Variants in OPCML observed in about 807,000 individuals in gnomAD.
OPCML encodes the protein opioid binding protein/cell adhesion molecule like.
In OPCML, 13 loss-of-function variants were observed where a neutral mutation model predicts 37.8. The observed-to-expected ratio is 0.34, with a 90% CI of 0.22 to 0.55. The LOEUF is 0.55. Ranked by LOEUF, OPCML falls within the 20% of genes least tolerant of loss-of-function variation. The probability of loss-of-function intolerance (pLI) is 0.91; values close to 1 mark genes in which losing one functional copy is unlikely to be tolerated. For missense variants in OPCML, 341 were observed against 435.6 expected, an observed-to-expected ratio of 0.78 and a Z score of 1.93; for synonymous variants, 176 against 168.8, an observed-to-expected ratio of 1.04 and a Z score of -0.33.
At position 132,792,608 on chromosome 11, in the gene OPCML, G is replaced by T. The variant is rs1937995964; in HGVS notation, c.147-135289C>A. 2.0e-5 allele frequency among the ~76,000 whole-genome samples: 3 copies of T among 152,126 alleles called. No individual in the cohort carries two copies. In the South Asian group the frequency reaches 6.2e-4, roughly 32 times the overall value. On this transcript the variant is annotated intron_variant, in intron 2 of 7. Transcript: ENST00000524381. ...ATAGGTTCCTTTAAGAAGGCCAAGT[G>T]ACCTCTTTGCTGGCTTGGGAAGTGT...
intron 4 of OPCML, among the ~76,000 whole-genome samples, chr11:132,516,583 T>C (rs903858533): frequency 2.2e-4 from 33 of 152,172 alleles, no homozygotes; most frequent in Admixed American, 1.4e-3. Flanking sequence ...GACAGAGAGA[T>C]GCAAGGGATA....
At chr11:132,572,877 C>G (rs953172298) in intron 3 of OPCML, among the ~76,000 whole-genome samples, 1 of 152,034 alleles carries the variant, frequency 6.6e-6, no homozygotes, top group East Asian at 1.9e-4. Flanking sequence ...TTCCAATCCA[C>G]AAGAATGGGG....
intron 1 of OPCML, among the ~76,000 whole-genome samples, chr11:133,306,085 G>A (rs1367413940): frequency 1.3e-5 from 2 of 152,136 alleles, no homozygotes; most frequent in African/African-American, 2.4e-5. Context: ...GTATTGCAAT[G>A]CATCTGAATT....
At chr11:132,531,755 C>T (rs900220387) in intron 3 of OPCML, among the ~76,000 whole-genome samples, 8 of 88,958 alleles carry the variant, frequency 9.0e-5, no homozygotes, top group African/African-American at 6.1e-4. Context: ...ATGTTCTACC[C>T]GTTTTTTTTT....
chr11:132,894,484 A>G (rs935996619), intron 2 of OPCML, among the ~76,000 whole-genome samples: 13 of 152,236 alleles, frequency 8.5e-5, no homozygotes, highest in Admixed American at 1.3e-4. Context: ...TTAAGAGCCT[A>G]GAGCTCTTCT....
chr11:133,076,499 T>C (rs1042213578), intron 1 of OPCML, among the ~76,000 whole-genome samples: 16 of 152,180 alleles, frequency 1.1e-4, no homozygotes, highest in African/African-American at 3.9e-4. Context: ...GAGGAGATGT[T>C]ATACAAGACT....
intron 1 of OPCML, chr11:133,003,770 G>C (rs972805515): frequency 7.1e-6 from 7 of 985,306 alleles, no homozygotes; most frequent in Middle Eastern, 5.2e-4. Flanking sequence ...ATTCTGAGCA[G>C]TGGATTACCC....
chr11:133,222,819 G>A (rs901674020), intron 1 of OPCML, among the ~76,000 whole-genome samples: 11 of 152,012 alleles, frequency 7.2e-5, no homozygotes, highest in East Asian at 3.9e-4. Flanking sequence ...AAGGGGGGCC[G>A]AGCCGGGGAC....
chr11:133,075,500 C>T (rs752539584), intron 1 of OPCML, among the ~76,000 whole-genome samples: 31 of 152,126 alleles, frequency 2.0e-4, no homozygotes, highest in East Asian at 7.7e-4. Context: ...GGAAGCAGTT[C>T]GACACTGACT....
chr11:132,718,408 CTGTAGGGGGTGCTTTTAACTGTGTGTGT>C (rs1175983525), intron 2 of OPCML, among the ~76,000 whole-genome samples: 8 of 152,076 alleles, frequency 5.3e-5, no homozygotes, highest in Non-Finnish European at 1.2e-4. Flanking sequence ...TCTTAAAACA[CTGTAGGGGGTGCTTTTAACTGTGTGTGT>C]TGCACGGTCA....
chr11:133,033,282 T>C (rs1947707164), intron 1 of OPCML, among the ~76,000 whole-genome samples: 1 of 152,250 alleles, frequency 6.6e-6, no homozygotes, highest in African/African-American at 2.4e-5. Flanking sequence ...CAAAGTACTT[T>C]GGTTGTTCCA....
chr11:133,011,225 G>A (rs2136874717), intron 1 of OPCML, among the ~76,000 whole-genome samples: 1 of 152,292 alleles, frequency 6.6e-6, no homozygotes, highest in South Asian at 2.1e-4. Context: ...CCTTTCTATG[G>A]AGTCTAAGTG....
At chr11:132,873,543 G>C (rs985881172) in intron 2 of OPCML, among the ~76,000 whole-genome samples, 8 of 152,074 alleles carry the variant, frequency 5.3e-5, no homozygotes, top group Non-Finnish European at 4.4e-5. Context: ...GTGCTAGAGA[G>C]GTATGGTATT....
chr11:133,036,707 A>G (rs775377507), intron 1 of OPCML, among the ~76,000 whole-genome samples: 1 of 152,226 alleles, frequency 6.6e-6, no homozygotes, highest in Admixed American at 6.5e-5. Flanking sequence ...AAATATTTTG[A>G]TCTCTGAGAA....
chr11:132,797,018 C>T (rs1344576756), intron 2 of OPCML, among the ~76,000 whole-genome samples: 1 of 152,178 alleles, frequency 6.6e-6, no homozygotes, highest in Non-Finnish European at 1.5e-5. Context: ...AATCTCTTAA[C>T]AAATATATGA....
chr11:132,492,730 T>G (rs570517951), intron 4 of OPCML, among the ~76,000 whole-genome samples: 3 of 151,370 alleles, frequency 2.0e-5, no homozygotes, highest in Non-Finnish European at 4.4e-5. Context: ...TTTAAAAGCA[T>G]GATATAGGAT....
At chr11:132,778,460 A>G (rs1332254886) in intron 2 of OPCML, among the ~76,000 whole-genome samples, 1 of 152,246 alleles carries the variant, frequency 6.6e-6, no homozygotes, top group Admixed American at 6.5e-5. Context: ...TGACCTCAAG[A>G]ACATATAATT....
intron 1 of OPCML, among the ~76,000 whole-genome samples, chr11:133,172,999 G>T (rs1950308490): frequency 6.6e-6 from 1 of 152,158 alleles, no homozygotes; most frequent in South Asian, 2.1e-4. Context: ...ACTTAAAGTT[G>T]AATTTTTATG....
chr11:132,759,567 G>T (rs1946186899), intron 2 of OPCML, among the ~76,000 whole-genome samples: 1 of 152,098 alleles, frequency 6.6e-6, no homozygotes, highest in South Asian at 2.1e-4. Context: ...ATTTCTTCTA[G>T]ATTTTCTAGT....
Sources: allele counts gnomAD v4.1 joint callset (sites outside exome capture counted in the v4.1 genomes callset), GRCh38; gene constraint gnomAD v4.1.1; transcripts MANE v1.5; gene names NCBI Gene and HGNC (gene_info 2026-07-23, HGNC 2026-07-21).